PDE11A: variants seen among roughly 807,000 people sequenced by gnomAD.
PDE11A encodes the protein dual 3',5'-cyclic-AMP and -GMP phosphodiesterase 11A.
In PDE11A, 100 loss-of-function variants were observed where a neutral mutation model predicts 100.5. That is an observed-to-expected ratio of 1.00 (90% CI 0.85 to 1.18). The LOEUF is 1.18. Among genes scored for constraint, PDE11A ranks in the 50% most tolerant of loss-of-function variants. The pLI, the probability that PDE11A is intolerant of heterozygous loss-of-function variation, is 0.00. For missense variants in PDE11A, 1,141 were observed against 1,152.6 expected (o/e 0.99, Z 0.15); for synonymous variants, 381 against 420.8 (o/e 0.91, Z 1.16).
At chr2:178,024,001 T>G (rs1224942518) in intron 1 of PDE11A, among the ~76,000 whole-genome samples, 3 of 152,134 alleles carry the variant, frequency 2.0e-5, no homozygotes, top group Non-Finnish European at 4.4e-5. Flanking sequence ...AGTACTGATG[T>G]TTTAGCCCCA....
intron 19 of PDE11A, among the ~76,000 whole-genome samples, chr2:177,640,676 C>A (rs1192041355): frequency 6.6e-6 from 1 of 152,178 alleles, no homozygotes; most frequent in East Asian, 1.9e-4. Context: ...ACATGCCACA[C>A]CTCAGTGCTG....
At chr2:177,871,408 T>C (rs2084128322) in intron 5 of PDE11A, among the ~76,000 whole-genome samples, 1 of 152,052 alleles carries the variant, frequency 6.6e-6, no homozygotes, top group South Asian at 2.1e-4. Flanking sequence ...AGTGCAGTTA[T>C]GCCCGTGGGA....
At chr2:178,081,348 A>T (rs1257470839) in intron 2 of PDE11A, among the ~76,000 whole-genome samples, 1 of 152,236 alleles carries the variant, frequency 6.6e-6, no homozygotes, top group East Asian at 1.9e-4. Context: ...TATCACCAAG[A>T]AATAGACCAA....
intron 1 of PDE11A, among the ~76,000 whole-genome samples, chr2:178,024,723 C>T (rs747418418): frequency 1.4e-4 from 22 of 152,126 alleles, no homozygotes; most frequent in Admixed American, 1.3e-4. Flanking sequence ...GAAACACAAA[C>T]CAATAGATTG....
chr2:177,625,527 C>T lies in PDE11A; in HGVS notation c.*3880G>A, dbSNP rs1002975456. 6 of 152,160 alleles carry T rather than the reference C, an allele frequency of 3.9e-5. No homozygotes were observed. The highest frequency in any genetic ancestry group is 1.4e-4 in the African/African-American group (6 of 41,390). The allele number at this position is 152,160 out of a possible 1,614,324, so 9.4% of individuals were successfully genotyped here. Reference sequence around the variant, plus strand: ...TGTGCACATAATAGCTACATAGTGACTAGTAAGAATAAATATGTCTGAAAA... The same window carrying T: ...TGTGCACATAATAGCTACATAGTGATTAGTAAGAATAAATATGTCTGAAAA... On this transcript the variant is annotated 3_prime_UTR_variant, in exon 20 of 20. Coordinates refer to ENST00000286063, the MANE Select transcript of PDE11A (RefSeq NM_016953.4).
chr2:177,672,429 A>G (rs546423498), intron 17 of PDE11A, among the ~76,000 whole-genome samples: 4 of 152,318 alleles, frequency 2.6e-5, no homozygotes, highest in African/African-American at 9.6e-5. Flanking sequence ...AGCCTTGACT[A>G]ATACAAAAAT....
intron 4 of PDE11A, among the ~76,000 whole-genome samples, chr2:177,890,763 CCTT>C (rs2084517480): frequency 6.6e-6 from 1 of 152,138 alleles, no homozygotes; most frequent in Admixed American, 6.5e-5. Context: ...ACTCATGACT[CCTT>C]CTGGAAGAGA....
chr2:177,938,391 G>T lies in PDE11A; in HGVS notation c.1072-33204C>A, dbSNP rs13009350. Among the ~76,000 whole-genome samples the T allele has an allele frequency of 2.0e-5, 3 of 152,098 alleles. No individual in the cohort carries two copies. In the East Asian group the frequency reaches 5.8e-4, roughly 29 times the overall value. ...CTCTGCCATGCCTACCAGTCTAAAG[G>T]TGTGTGGTGCACCAGCAGGCTGGCT... On this transcript the variant is annotated intron_variant, in intron 2 of 19. Coordinates refer to ENST00000286063, the MANE Select transcript of PDE11A (RefSeq NM_016953.4).
rs532405776 is a variant in PDE11A at position 177,664,036 on chromosome 2, A to AT, written c.2563-88dup. On this transcript the variant is annotated intron_variant, in intron 18 of 19. Transcript: ENST00000286063. Reference sequence around the variant, plus strand: ...GTCAAACACTTTGCTAGAATGATCCATTTTTTTTACAAACTGAACCCTTCG... The same window carrying AT: ...GTCAAACACTTTGCTAGAATGATCCATTTTTTTTTACAAACTGAACCCTTCG... 2,390 of 798,836 alleles carry AT rather than the reference A, an allele frequency of 3.0e-3. 7 individuals are homozygous for AT. The highest frequency in any genetic ancestry group is 3.5e-3 in the Non-Finnish European group (1,572 of 450,832). The allele number at this position is 798,836 out of a possible 1,614,324, so 49.5% of individuals were successfully genotyped here.
chr2:177,665,783 G>A (rs2105481721), intron 18 of PDE11A, among the ~76,000 whole-genome samples: 1 of 151,078 alleles, frequency 6.6e-6, no homozygotes, highest in African/African-American at 2.4e-5. Flanking sequence ...CTTGAACCTG[G>A]GAGGCAGAGG....
intron 1 of PDE11A, among the ~76,000 whole-genome samples, chr2:178,056,212 C>T (rs570579702): frequency 2.0e-5 from 3 of 152,240 alleles, no homozygotes; most frequent in Non-Finnish European, 4.4e-5. Context: ...GTCCCACATC[C>T]TTCCTGGTGG....
chr2:177,922,742 A>T, intron 2 of PDE11A: 1 of 985,450 alleles, frequency 1.0e-6, no homozygotes, highest in Non-Finnish European at 1.2e-6. Context: ...TATTGCTTAC[A>T]GGGCCTACAC....
At chr2:177,663,186 G>A (rs2080508985) in intron 19 of PDE11A, among the ~76,000 whole-genome samples, 2 of 152,354 alleles carry the variant, frequency 1.3e-5, no homozygotes, top group South Asian at 4.1e-4. Context: ...AAAAAGTGCA[G>A]TGTGAACCAT....
chr2:177,727,503 T>C (rs1460889263), intron 12 of PDE11A, among the ~76,000 whole-genome samples, 155 bp downstream of exon 12: 4 of 152,138 alleles, frequency 2.6e-5, no homozygotes, highest in Non-Finnish European at 4.4e-5. Flanking sequence ...AGCTCAGAAA[T>C]TGCTGGCACA....
chr2:177,786,660 T>A (rs182288425), intron 9 of PDE11A, among the ~76,000 whole-genome samples: 7 of 152,030 alleles, frequency 4.6e-5, no homozygotes, highest in Non-Finnish European at 7.4e-5. Flanking sequence ...GACTAATGTA[T>A]AACTAGAATA....
chr2:177,889,517 C>A (rs1307993486), intron 4 of PDE11A, among the ~76,000 whole-genome samples: 2 of 151,806 alleles, frequency 1.3e-5, no homozygotes, highest in Admixed American at 1.3e-4. Context: ...GCCATGTTCT[C>A]TTTAGAGTTG....
rs979656879 is a variant in PDE11A at position 177,839,875 on chromosome 2, A to G, written c.1500+376T>C. Among the ~76,000 whole-genome samples, 24 of 152,370 alleles carry G rather than the reference A, an allele frequency of 1.6e-4. 1 individual carries two copies. The highest frequency in any genetic ancestry group is 1.0e-3 in the Admixed American group (16 of 15,310). On this transcript the variant is annotated intron_variant, in intron 6 of 19. Coordinates refer to ENST00000286063, the MANE Select transcript of PDE11A (RefSeq NM_016953.4). ...TTCTGTATATCAACACAGTGTGCCT[A>G]GATAATTAACATTAAACAATAATGC...
intron 2 of PDE11A, among the ~76,000 whole-genome samples, chr2:177,935,504 C>A (rs2085261358): frequency 6.6e-6 from 1 of 152,188 alleles, no homozygotes; most frequent in Non-Finnish European, 1.5e-5. Context: ...CCCCTTAGTG[C>A]AAAGTTGTAT....
chr2:177,903,637 A>C (rs1336866935), intron 3 of PDE11A, among the ~76,000 whole-genome samples: 8 of 152,232 alleles, frequency 5.3e-5, no homozygotes, highest in Admixed American at 2.6e-4. Flanking sequence ...ATATCATAAT[A>C]CAGTGTGATA....
Sources: gnomAD v4.1 joint callset for allele counts (sites outside exome capture counted in the v4.1 genomes callset) on GRCh38, gnomAD v4.1.1 for gene constraint, MANE v1.5 for transcripts, NCBI Gene and HGNC (gene_info 2026-07-23, HGNC 2026-07-21) for gene names.